CACNG2: variants seen among roughly 807,000 people sequenced by gnomAD.
The protein encoded by CACNG2 is voltage-dependent calcium channel gamma-2 subunit.
CACNG2 carries 3 observed loss-of-function variants against 25.9 expected under a neutral mutation model. The observed-to-expected ratio is 0.12, with a 90% CI of 0.05 to 0.30. CACNG2 has a LOEUF of 0.30. Among genes scored for constraint, CACNG2 ranks in the 10% least tolerant of loss-of-function variants. The probability of loss-of-function intolerance (pLI) is 1.00; values close to 1 mark genes in which losing one functional copy is unlikely to be tolerated. For missense variants in CACNG2, 341 were observed against 432.5 expected (o/e 0.79, Z 1.88); for synonymous variants, 167 against 173.3 (o/e 0.96, Z 0.29).
chr22:36,646,001 A>C (rs905446443), intron 1 of CACNG2, among the ~76,000 whole-genome samples: 5 of 152,366 alleles, frequency 3.3e-5, no homozygotes, highest in African/African-American at 1.2e-4. Flanking sequence ...CAAAGCTTGA[A>C]ACAGACACAA....
rs561456873 is a variant in CACNG2, at chr22:36,629,314, G to C, written c.212-41766C>G. On this transcript the variant is annotated intron_variant, in intron 1 of 3. Coordinates refer to ENST00000300105, the MANE Select transcript of CACNG2 (RefSeq NM_006078.5). ...CATTCACTCAATAGGCAGTCACCCA[G>C]TGCCTTCCCTGGGCAGGCTGTGAGC... Among the ~76,000 whole-genome samples the C allele has an allele frequency of 2.6e-5, 4 of 152,298 alleles. No individual in the cohort carries two copies. In the South Asian group the frequency reaches 8.3e-4, roughly 32 times the overall value.
intron 1 of CACNG2, among the ~76,000 whole-genome samples, chr22:36,667,352 C>T (rs561786652): frequency 1.6e-3 from 243 of 152,258 alleles, no homozygotes; most frequent in Admixed American, 2.0e-3. Context: ...TGCACTGAGC[C>T]CCTCTCTGGG....
chr22:36,636,822 G>T (rs557379956), intron 1 of CACNG2, among the ~76,000 whole-genome samples: 1 of 152,204 alleles, frequency 6.6e-6, no homozygotes, highest in African/African-American at 2.4e-5. Context: ...GCCCTGTGGC[G>T]GTGTAGGCAG....
chr22:36,660,668 C>T (rs1936779075), intron 1 of CACNG2, among the ~76,000 whole-genome samples: 1 of 152,228 alleles, frequency 6.6e-6, no homozygotes, highest in African/African-American at 2.4e-5. Flanking sequence ...GCAGCGTGTG[C>T]GCTTGGCTGT....
Position 36,562,835 on chromosome 22 carries a change from C to T in CACNG2, c.*1516G>A, listed in dbSNP as rs1242229083. On this transcript the variant is annotated 3_prime_UTR_variant, in exon 4 of 4. Coordinates refer to ENST00000300105, the MANE Select transcript of CACNG2 (RefSeq NM_006078.5). The stretch of plus-strand genomic sequence containing the variant: ...GGAAGCCACCTTTCCATCACAGAGA[C>T]CCCCTGCAGCTCACTGGGACCTTCC... 6.6e-6 allele frequency: 1 copy of T among 152,206 alleles called. No homozygotes were observed. The highest frequency in any genetic ancestry group is 2.4e-5 in the African/African-American group (1 of 41,428). The allele number at this position is 152,206 out of a possible 1,614,324, so 9.4% of individuals were successfully genotyped here. A position where few individuals can be genotyped will look rare whatever the true frequency, so the allele number is the denominator to read the frequency against.
chr22:36,609,048 G>T (rs572445198), intron 1 of CACNG2, among the ~76,000 whole-genome samples: 16 of 152,190 alleles, frequency 1.1e-4, no homozygotes, highest in Non-Finnish European at 2.1e-4. Context: ...CAGGAGAGAG[G>T]ATTCTGCCTC....
At chr22:36,695,310 G>A (rs1937323133) in intron 1 of CACNG2, among the ~76,000 whole-genome samples, 1 of 152,178 alleles carries the variant, frequency 6.6e-6, no homozygotes, top group South Asian at 2.1e-4. Context: ...TCCCCATTCT[G>A]TAGGTGAGTA....
chr22:36,648,519 G>T (rs893505748), intron 1 of CACNG2, among the ~76,000 whole-genome samples: 2 of 152,096 alleles, frequency 1.3e-5, no homozygotes, highest in African/African-American at 4.8e-5. Context: ...CACTCAGAAT[G>T]CCCAGACAAG....
chr22:36,595,662 C>A lies in CACNG2; in HGVS notation c.212-8114G>T, dbSNP rs966033798. 2.6e-5 allele frequency among the ~76,000 whole-genome samples: 4 copies of A among 152,202 alleles called. No individual in the cohort carries two copies. The East Asian group carries it at 7.7e-4, about 29-fold the overall frequency. On this transcript the variant is annotated intron_variant, in intron 1 of 3. Transcript: ENST00000300105. ...AGTGGAGTGCAGGGGTCTCACTGCC[C>A]GCTGTCCCCTCAGGCATTGGCTTTG... is the stretch of plus-strand genomic sequence containing the variant.
intron 1 of CACNG2, among the ~76,000 whole-genome samples, chr22:36,691,234 G>A (rs1601459060): frequency 6.6e-6 from 1 of 152,352 alleles, no homozygotes; most frequent in East Asian, 1.9e-4. Flanking sequence ...AGGCAGCAGA[G>A]AGAGGTGACA....
intron 1 of CACNG2, among the ~76,000 whole-genome samples, chr22:36,604,920 G>T (rs530434350): frequency 6.6e-6 from 1 of 152,224 alleles, no homozygotes; most frequent in East Asian, 1.9e-4. Context: ...TGGGACCACA[G>T]ATATGTGTCA....
intron 1 of CACNG2, among the ~76,000 whole-genome samples, chr22:36,681,464 G>A (rs2146004183): frequency 6.6e-6 from 1 of 152,326 alleles, no homozygotes; most frequent in South Asian, 2.1e-4. Flanking sequence ...ATAATGATCT[G>A]CACATTGTTG....
intron 1 of CACNG2, among the ~76,000 whole-genome samples, chr22:36,662,187 G>A (rs1936808892): frequency 6.6e-6 from 1 of 151,554 alleles, no homozygotes; most frequent in East Asian, 1.9e-4. Flanking sequence ...TTGCCATGTT[G>A]GCCAGGCTGG....
At chr22:36,631,746 T>TTA (rs1189864854) in intron 1 of CACNG2, among the ~76,000 whole-genome samples, 22 of 151,736 alleles carry the variant, frequency 1.4e-4, no homozygotes, top group South Asian at 4.2e-4. Flanking sequence ...TCTTTTTTTT[T>TTA]TTTTTTTTAC....
At chr22:36,586,155 C>G (rs938911264) in intron 2 of CACNG2, among the ~76,000 whole-genome samples, 1 of 152,240 alleles carries the variant, frequency 6.6e-6, no homozygotes, top group Admixed American at 6.5e-5. Context: ...AAGGGCCCTC[C>G]CTGCCAGGCT....
Position 36,661,956 on chromosome 22 carries a change from C to T in CACNG2, c.211+40410G>A, listed in dbSNP as rs1224674425. On this transcript the variant is annotated intron_variant, in intron 1 of 3. Transcript: ENST00000300105. ...TAACAGGTTCTGCTTCCTATGGACT[C>T]ATTGCTATTCTTTTTTTTTTTTTTT... Among the ~76,000 whole-genome samples the T allele has an allele frequency of 3.1e-5, 4 of 128,424 alleles. No homozygotes were observed. In the East Asian group the frequency reaches 1.1e-3, roughly 34 times the overall value. The allele number at this position is 128,424 out of a possible 152,430, so 84.3% of individuals were successfully genotyped here. A position where few individuals can be genotyped will look rare whatever the true frequency, so the allele number is the denominator to read the frequency against.
At chr22:36,669,508 C>CAAAAAAAAAA (rs1157379465) in intron 1 of CACNG2, among the ~76,000 whole-genome samples, 1 of 61,648 alleles carries the variant, frequency 1.6e-5, no homozygotes, top group Non-Finnish European at 3.0e-5. Flanking sequence ...ACTCTATCTC[C>CAAAAAAAAAA]AAAAAAAAAA....
intron 1 of CACNG2, among the ~76,000 whole-genome samples, chr22:36,621,302 G>A (rs2145949496): frequency 6.6e-6 from 1 of 152,316 alleles, no homozygotes; most frequent in East Asian, 1.9e-4. Flanking sequence ...GAGGTCAGGA[G>A]TTCAAAACCA....
intron 1 of CACNG2, among the ~76,000 whole-genome samples, chr22:36,610,398 T>A (rs1223532398): frequency 6.6e-6 from 1 of 151,632 alleles, no homozygotes; most frequent in Non-Finnish European, 1.5e-5. Context: ...CAGAGCGTGA[T>A]TGGGAGGAAT....
Sources: gnomAD v4.1 joint callset for allele counts (sites outside exome capture counted in the v4.1 genomes callset) on GRCh38, gnomAD v4.1.1 for gene constraint, MANE v1.5 for transcripts, NCBI Gene and HGNC (gene_info 2026-07-23, HGNC 2026-07-21) for gene names.